GLIS1: variants seen among roughly 807,000 people sequenced by gnomAD.
GLIS1 encodes GLIS family zinc finger 1.
A neutral mutation model predicts 63.8 loss-of-function variants in GLIS1; 24 were observed. The ratio of observed to expected loss-of-function variants is 0.38; its 90% confidence interval spans 0.27 to 0.53. The LOEUF (loss-of-function observed/expected upper bound fraction) is 0.53. Among genes scored for constraint, GLIS1 ranks in the 20% least tolerant of loss-of-function variants. The pLI, the probability that GLIS1 is intolerant of heterozygous loss-of-function variation, is 0.85. For missense variants in GLIS1, 1,036 were observed against 1,074.1 expected (o/e 0.96, Z 0.50); for synonymous variants, 450 against 482.5 (o/e 0.93, Z 0.88).
At chr1:53,522,095 A>G (rs1469637786) in intron 6 of GLIS1, among the ~76,000 whole-genome samples, 1 of 152,210 alleles carries the variant, frequency 6.6e-6, no homozygotes, top group African/African-American at 2.4e-5. Context: ...GCTGTTTTCC[A>G]TGTAAATTAA....
chr1:53,737,732 A>T (rs572048533), intron 2 of GLIS1, 74 bp downstream of exon 2: 1 of 1,218,894 alleles, frequency 8.2e-7, no homozygotes. Context: ...AGCTCTCCCG[A>T]GCACGCGGTG....
At chr1:53,540,143 A>G (rs1238145619) in intron 4 of GLIS1, among the ~76,000 whole-genome samples, 2 of 152,046 alleles carry the variant, frequency 1.3e-5, no homozygotes, top group Non-Finnish European at 2.9e-5. Flanking sequence ...CTCCTCTCAG[A>G]GCTCGGCCCT....
chr1:53,657,651 G>A (rs1645981845), intron 2 of GLIS1, among the ~76,000 whole-genome samples: 1 of 152,102 alleles, frequency 6.6e-6, no homozygotes, highest in South Asian at 2.1e-4. Flanking sequence ...CCAGCCTTCA[G>A]TTGCCCCCAC....
At chr1:53,649,501 G>A (rs184411914) in intron 2 of GLIS1, among the ~76,000 whole-genome samples, 16 of 152,200 alleles carry the variant, frequency 1.1e-4, no homozygotes, top group Non-Finnish European at 2.1e-4. Flanking sequence ...ATTTTTTATC[G>A]TGTTTAGTGC....
At chr1:53,531,619 C>T (rs1053951634) in intron 4 of GLIS1, among the ~76,000 whole-genome samples, 3 of 152,208 alleles carry the variant, frequency 2.0e-5, no homozygotes, top group Non-Finnish European at 4.4e-5. Flanking sequence ...AGACATGGGT[C>T]CTGCCCTCTA....
intron 2 of GLIS1, among the ~76,000 whole-genome samples, chr1:53,716,193 G>A (rs1646696691): frequency 6.6e-6 from 1 of 152,172 alleles, no homozygotes; most frequent in Admixed American, 6.5e-5. Context: ...GCTCTTTCAG[G>A]GTTCCGTGTG....
At chr1:53,617,229 C>A (rs1387188523) in intron 2 of GLIS1, among the ~76,000 whole-genome samples, 2 of 149,626 alleles carry the variant, frequency 1.3e-5, no homozygotes, top group Non-Finnish European at 3.0e-5. Flanking sequence ...GAGTACTTGT[C>A]ATTTAGTGGG....
At chr1:53,580,603 G>A (rs961370620) in intron 4 of GLIS1, among the ~76,000 whole-genome samples, 3 of 152,084 alleles carry the variant, frequency 2.0e-5, no homozygotes, top group African/African-American at 7.2e-5. Flanking sequence ...CCCAGAGCAG[G>A]GGGAGGCCAG....
rs568303149 is a variant in GLIS1, at chr1:53,735,021, G to T, written c.259+2785C>A. Among the ~76,000 whole-genome samples, 3 of 152,162 alleles carry T rather than the reference G, an allele frequency of 2.0e-5. No homozygotes were observed. In the South Asian group the frequency reaches 6.2e-4, roughly 32 times the overall value. ...TCCCGATTCCAGATCAAATACACAG[G>T]CCCCAGACATTTATGGATAAACTAC... On this transcript the variant is annotated intron_variant, in intron 2 of 10. Transcript: ENST00000628545.
intron 4 of GLIS1, among the ~76,000 whole-genome samples, chr1:53,538,794 TG>T (rs1644608750): frequency 6.6e-6 from 1 of 152,148 alleles, no homozygotes; most frequent in South Asian, 2.1e-4. Flanking sequence ...CTGACAGCTC[TG>T]GGCTGGGCTC....
chr1:53,607,043 C>G (rs1415234424), intron 2 of GLIS1, among the ~76,000 whole-genome samples: 1 of 152,140 alleles, frequency 6.6e-6, no homozygotes, highest in African/African-American at 2.4e-5. Flanking sequence ...ATAAACACAG[C>G]CAGGGGCCAG....
intron 2 of GLIS1, among the ~76,000 whole-genome samples, chr1:53,654,360 C>G (rs192992376): frequency 6.6e-6 from 1 of 152,154 alleles, no homozygotes; most frequent in African/African-American, 2.4e-5. Context: ...GAGCCATAGG[C>G]GGTGAGAGGA....
At chr1:53,692,848 G>C (rs1201782683) in intron 2 of GLIS1, among the ~76,000 whole-genome samples, 1 of 152,206 alleles carries the variant, frequency 6.6e-6, no homozygotes, top group African/African-American at 2.4e-5. Context: ...CTGGATGGTA[G>C]GCACCGCCAC....
intron 2 of GLIS1, among the ~76,000 whole-genome samples, chr1:53,713,616 G>C (rs1037822975): frequency 1.3e-5 from 2 of 152,230 alleles, no homozygotes; most frequent in African/African-American, 4.8e-5. Flanking sequence ...AAAATAACTA[G>C]CTGGACTTAC....
intron 2 of GLIS1, among the ~76,000 whole-genome samples, chr1:53,643,096 C>T (rs187529289): frequency 3.0e-4 from 45 of 152,266 alleles, no homozygotes; most frequent in East Asian, 2.3e-3. Flanking sequence ...TCCTAGTTCC[C>T]GAACAAACGA....
chr1:53,686,000 T>G (rs3006881), intron 2 of GLIS1, among the ~76,000 whole-genome samples: 149,711 of 152,228 alleles, frequency 0.98, 73,676 homozygotes, highest in Middle Eastern at 1. Flanking sequence ...CCTCTGCCCC[T>G]GCCCTTCATC....
At chr1:53,696,386 A>G (rs1481233156) in intron 2 of GLIS1, among the ~76,000 whole-genome samples, 1 of 152,260 alleles carries the variant, frequency 6.6e-6, no homozygotes, top group Non-Finnish European at 1.5e-5. Flanking sequence ...TGCCTCCTTC[A>G]TTAAGGCAGA....
At chr1:53,577,041 T>G (rs2950250) in intron 4 of GLIS1, among the ~76,000 whole-genome samples, 86,348 of 150,816 alleles carry the variant, frequency 0.57, 26,997 homozygotes, top group East Asian at 0.77. Context: ...TGCCTCACTT[T>G]CCCTGTTCTT....
intron 2 of GLIS1, among the ~76,000 whole-genome samples, chr1:53,621,517 C>T (rs1315443882): frequency 2.0e-5 from 3 of 152,240 alleles, no homozygotes; most frequent in Non-Finnish European, 4.4e-5. Flanking sequence ...ATGACCAATT[C>T]GTCAAAAGCC....
Sources: allele counts gnomAD v4.1 joint callset (sites outside exome capture counted in the v4.1 genomes callset), GRCh38; gene constraint gnomAD v4.1.1; transcripts MANE v1.5; gene names NCBI Gene and HGNC (gene_info 2026-07-23, HGNC 2026-07-21).